TTPA: variants seen among roughly 807,000 people sequenced by gnomAD.
The protein encoded by TTPA is alpha-tocopherol transfer protein.
In TTPA, 23 loss-of-function variants were observed where a neutral mutation model predicts 25.9. The observed-to-expected ratio is 0.89, with a 90% CI of 0.64 to 1.26. The LOEUF is 1.26. Ranked by LOEUF, TTPA falls within the 50% of genes most tolerant of loss-of-function variation. The pLI is 0.00. For synonymous variants in TTPA, 148 were observed against 137.3 expected, an observed-to-expected ratio of 1.08 and a Z score of -0.54; for missense variants, 337 against 353.1, an observed-to-expected ratio of 0.95 and a Z score of 0.37.
Position 63,064,224 on chromosome 8 carries a change from A to G in TTPA, c.645T>C (p.Thr215=). Reference sequence around the variant, plus strand: ...TACTCACCCGTTCCTTAATTTTTTCAGTCAGGAATGGTTTGATCATGGAAA... The same window carrying G: ...TACTCACCCGTTCCTTAATTTTTTCGGTCAGGAATGGTTTGATCATGGAAA... The part of the protein sequence containing the change: ...AVFSMIKPFL[T]EKIKERIHMH... Residue 215 remains threonine, a synonymous_variant, in exon 4 of 5, where the codon ACT becomes ACC. Transcript: ENST00000260116. 2 of 1,612,550 alleles carry G rather than the reference A, an allele frequency of 1.2e-6. No homozygotes were observed.
chr8:63,063,439 G>C (rs1458306041), intron 4 of TTPA, among the ~76,000 whole-genome samples: 2 of 152,024 alleles, frequency 1.3e-5, no homozygotes, highest in African/African-American at 4.8e-5. Flanking sequence ...AGTTACCGTG[G>C]TTCTCAGTTA....
At chr8:63,085,792 C>T in intron 1 of TTPA, 26 bp downstream of exon 1, 3 of 1,531,386 alleles carry the variant, frequency 2.0e-6, no homozygotes, top group Non-Finnish European at 2.6e-6. Context: ...TGCGCACTGC[C>T]GAGCGCCCTG....
In TTPA at chr8:63,085,877, C is replaced by A; in HGVS notation, c.145G>T (p.Asp49Tyr). Residue 49 changes from aspartate (D) to tyrosine (Y), a missense_variant, in exon 1 of 5, where the codon GAC (aspartate) becomes TAC (tyrosine). By Grantham distance (160) the Asp-to-Tyr change is radical. Transcript: ENST00000260116. ...GVPLAPLPLT[D>Y]SFLLRFLRAR... ...CGCAGGAACCGCAGCAGGAAGGAGT[C>A]GGTGAGCGGCAGCGGCGCGAGCGGG... is the stretch of plus-strand genomic sequence containing the variant. The A allele has an allele frequency of 2.0e-6, 3 of 1,533,204 alleles. No homozygotes were observed. Among genetic ancestry groups the A allele is most frequent in the Non-Finnish European group, 2.6e-6 (3 of 1,144,668 alleles). The allele number at this position is 1,533,204 out of a possible 1,614,324, so 95.0% of individuals were successfully genotyped here.
intron 4 of TTPA, among the ~76,000 whole-genome samples, chr8:63,062,732 G>T (rs141462775): frequency 3.6e-3 from 546 of 151,900 alleles, no homozygotes; most frequent in Non-Finnish European, 5.9e-3. Context: ...TTTTACTTTT[G>T]CTTTTTTCTC....
chr8:63,067,459 A>C (rs1473193059), intron 2 of TTPA, among the ~76,000 whole-genome samples: 5 of 151,374 alleles, frequency 3.3e-5, no homozygotes, highest in African/African-American at 4.8e-5. Flanking sequence ...GAAAAAAAAA[A>C]CATGTAAGTC....
chr8:63,076,072 G>A (rs1805558543), intron 1 of TTPA, among the ~76,000 whole-genome samples: 1 of 152,098 alleles, frequency 6.6e-6, no homozygotes, highest in African/African-American at 2.4e-5. Flanking sequence ...GACAGCGCAG[G>A]CTCTCTCCTG....
At chr8:63,077,299 T>C (rs1421946078) in intron 1 of TTPA, among the ~76,000 whole-genome samples, 1 of 152,186 alleles carries the variant, frequency 6.6e-6, no homozygotes, top group Non-Finnish European at 1.5e-5. Flanking sequence ...TTCATCTCAC[T>C]GGGACTGGTT....
At chr8:63,081,783 T>G (rs1195196580) in intron 1 of TTPA, among the ~76,000 whole-genome samples, 2 of 152,198 alleles carry the variant, frequency 1.3e-5, no homozygotes, top group Non-Finnish European at 2.9e-5. Context: ...GATAAGCAAC[T>G]TCAGCAAAGT....
intron 1 of TTPA, among the ~76,000 whole-genome samples, chr8:63,081,611 C>T (rs1289528408): frequency 6.6e-6 from 1 of 152,148 alleles, no homozygotes; most frequent in African/African-American, 2.4e-5. Flanking sequence ...TCACCATTCC[C>T]ATTCAACATA....
chr8:63,080,412 A>G (rs764506164), intron 1 of TTPA, among the ~76,000 whole-genome samples: 1 of 152,212 alleles, frequency 6.6e-6, no homozygotes, highest in Non-Finnish European at 1.5e-5. Context: ...AACAAAATTG[A>G]TAGACTGCTA....
chr8:63,083,412 C>A (rs972929512), intron 1 of TTPA, among the ~76,000 whole-genome samples: 1 of 152,200 alleles, frequency 6.6e-6, no homozygotes, highest in South Asian at 2.1e-4. Flanking sequence ...TGCATGTTCT[C>A]ACTCAGAGGT....
In TTPA at chr8:63,060,710, T is replaced by A. The variant is rs2129732733; in HGVS notation, c.*542A>T. 1 of 156,114 alleles carries A rather than the reference T, an allele frequency of 6.4e-6. No individual in the cohort carries two copies. Among genetic ancestry groups the A allele is most frequent in the Non-Finnish European group, 1.4e-5 (1 of 70,648 alleles). The allele number at this position is 156,114 out of a possible 1,614,324, so 9.7% of individuals were successfully genotyped here. On this transcript the variant is annotated 3_prime_UTR_variant, in exon 5 of 5. Transcript: ENST00000260116. ...AAAAGTTTCTATCGTGTTAATATAC[T>A]AAAATAAAATTTCCCTGAGATGAAA...
intron 1 of TTPA, among the ~76,000 whole-genome samples, chr8:63,076,380 T>C (rs775335275): frequency 1.0e-4 from 15 of 150,716 alleles, no homozygotes; most frequent in Non-Finnish European, 2.2e-4. Flanking sequence ...GGCTTCTATA[T>C]TATGAATGAA....
At chr8:63,080,072 T>G (rs1293939949) in intron 1 of TTPA, among the ~76,000 whole-genome samples, 2 of 152,206 alleles carry the variant, frequency 1.3e-5, no homozygotes, top group African/African-American at 4.8e-5. Context: ...GAATGACTAC[T>G]GGGTAAATAA....
At chr8:63,083,993 T>A (rs1466976488) in intron 1 of TTPA, among the ~76,000 whole-genome samples, 1 of 151,858 alleles carries the variant, frequency 6.6e-6, no homozygotes, top group Admixed American at 6.6e-5. Flanking sequence ...CAAGCGATTC[T>A]CCCACTTCAG....
chr8:63,082,578 G>A (rs775027305), intron 1 of TTPA, among the ~76,000 whole-genome samples: 25 of 152,160 alleles, frequency 1.6e-4, no homozygotes, highest in Non-Finnish European at 3.4e-4. Context: ...GGCCATAGGT[G>A]TGGGCAAGGA....
In TTPA at chr8:63,065,975, C is replaced by T. The variant is rs759856643; in HGVS notation, c.481G>A (p.Glu161Lys). Residue 161 changes from glutamate (E) to lysine (K), a missense_variant, in exon 3 of 5, where the codon GAA (glutamate) becomes AAA (lysine). Transcript: ENST00000260116. Reference sequence around the variant, plus strand: ...AAAGCATGAGAAAACTGCCAACCTTCCAGATCAAAGATAGCCTTGATTCCA... The same window carrying T: ...AAAGCATGAGAAAACTGCCAACCTTTCAGATCAAAGATAGCCTTGATTCCA... The part of the protein sequence containing the change: ...RNGIKAIFDL[E>K]GWQFSHAFQI... The T allele has an allele frequency of 5.6e-6, 9 of 1,614,114 alleles. No individual in the cohort carries two copies. The highest frequency in any genetic ancestry group is 1.3e-5 in the African/African-American group (1 of 75,058).
intron 1 of TTPA, among the ~76,000 whole-genome samples, chr8:63,076,976 T>C (rs961566630): frequency 1.3e-5 from 2 of 151,368 alleles, no homozygotes; most frequent in Non-Finnish European, 2.9e-5. Flanking sequence ...CTAGAAAAAA[T>C]TTTGGACAAG....
intron 1 of TTPA, among the ~76,000 whole-genome samples, chr8:63,083,032 G>A (rs1485531701): frequency 2.0e-5 from 3 of 152,206 alleles, no homozygotes; most frequent in Non-Finnish European, 4.4e-5. Context: ...CTTTTACACT[G>A]TTAGTGGGAG....
Sources: allele counts gnomAD v4.1 joint callset (sites outside exome capture counted in the v4.1 genomes callset), GRCh38; gene constraint gnomAD v4.1.1; transcripts MANE v1.5; gene names NCBI Gene and HGNC (gene_info 2026-07-23, HGNC 2026-07-21).